The following EZR variants were observed in gnomAD, a reference collection of about 807,000 sequenced individuals.
EZR encodes the protein ezrin.
A neutral mutation model predicts 74.8 loss-of-function variants in EZR; 40 were observed. The observed-to-expected ratio is 0.53, with a 90% CI of 0.42 to 0.70. The LOEUF (loss-of-function observed/expected upper bound fraction) is 0.70. EZR is among the 30% of genes least tolerant of loss of function. The pLI is 0.00. For missense variants in EZR, 678 were observed against 755.8 expected, an observed-to-expected ratio of 0.90 and a Z score of 1.21; for synonymous variants, 341 against 283.3, an observed-to-expected ratio of 1.20 and a Z score of -2.05.
At chr6:158,816,920 T>C (rs1777569638) in intron 2 of EZR, among the ~76,000 whole-genome samples, 1 of 152,108 alleles carries the variant, frequency 6.6e-6, no homozygotes, top group East Asian at 1.9e-4. Context: ...ACCCCCTCTC[T>C]ATAAAAATAC....
At chr6:158,771,511 T>C (rs543073813) in intron 8 of EZR, 104 bp from the exon 9 acceptor site, 4 of 1,253,164 alleles carry the variant, frequency 3.2e-6, no homozygotes, top group South Asian at 1.6e-5. Flanking sequence ...AGAACAAATG[T>C]AGCAGAACAG....
At chr6:158,768,530 G>T (rs1256924796) in intron 12 of EZR, among the ~76,000 whole-genome samples, 11 of 152,078 alleles carry the variant, frequency 7.2e-5, no homozygotes, top group Admixed American at 7.2e-4. Context: ...AGCCACAGTG[G>T]GGGAAGGACG....
intron 12 of EZR, among the ~76,000 whole-genome samples, chr6:158,768,416 G>A (rs1019412428): frequency 2.1e-4 from 32 of 152,106 alleles, no homozygotes; most frequent in African/African-American, 7.0e-4. Flanking sequence ...AATACAGATC[G>A]GCAGCGGGAA....
intron 8 of EZR, among the ~76,000 whole-genome samples, chr6:158,775,275 G>A (rs373820180): frequency 1.3e-5 from 2 of 152,050 alleles, no homozygotes; most frequent in South Asian, 2.1e-4. Context: ...CTCGTGATTC[G>A]GCCATCTCAG....
chr6:158,791,521 C>T (rs1791744478), intron 2 of EZR, among the ~76,000 whole-genome samples: 2 of 151,978 alleles, frequency 1.3e-5, no homozygotes, highest in African/African-American at 2.4e-5. Context: ...AATGACATAA[C>T]ACACTAAAAC....
At chr6:158,802,512 A>T (rs997617439) in intron 2 of EZR, among the ~76,000 whole-genome samples, 1 of 152,088 alleles carries the variant, frequency 6.6e-6, no homozygotes, top group African/African-American at 2.4e-5. Context: ...GACTATGGCT[A>T]GTTAGGTTTT....
intron 2 of EZR, among the ~76,000 whole-genome samples, chr6:158,816,870 G>A (rs994054715): frequency 7.2e-5 from 11 of 152,150 alleles, no homozygotes; most frequent in Non-Finnish European, 1.5e-4. Flanking sequence ...CAGATCACCT[G>A]AGGTCAGGAG....
chr6:158,807,300 C>CA, intron 2 of EZR, among the ~76,000 whole-genome samples: 2 of 131,996 alleles, frequency 1.5e-5, no homozygotes, highest in East Asian at 4.7e-4. Context: ...GGGCGACAGA[C>CA]AGAGACTCCG....
In EZR at chr6:158,787,189, G is replaced by T; in HGVS notation, c.111C>A (p.Ile37=). ...KQLFDQVVKT[I]GLREVWYFGL... is the part of the protein sequence containing the mutation. ...CAAAGTACCACACTTCCCGGAGGCC[G>T]ATAGTCTTTACCACCTGCGTGAGAG... Residue 37 remains isoleucine, a synonymous_variant, in exon 4 of 14, where the codon ATC becomes ATA. Transcript: ENST00000367075. 1.9e-6 allele frequency: 3 copies of T among 1,612,834 alleles called. No homozygotes were observed. The highest frequency in any genetic ancestry group is 1.3e-5 in the African/African-American group (1 of 74,998).
intron 12 of EZR, 108 bp downstream of exon 12, chr6:158,769,218 T>C: frequency 1.2e-6 from 1 of 832,808 alleles, no homozygotes; most frequent in Non-Finnish European, 1.9e-6. Context: ...ATGTGGCAGC[T>C]TGAGCCAGAC....
At chr6:158,778,198 A>G (rs1177601993) in intron 7 of EZR, among the ~76,000 whole-genome samples, 1 of 152,232 alleles carries the variant, frequency 6.6e-6, no homozygotes, top group Non-Finnish European at 1.5e-5. Context: ...CGCCCACAGC[A>G]CATAGCACTG....
intron 2 of EZR, among the ~76,000 whole-genome samples, chr6:158,791,974 C>T (rs908342141): frequency 1.3e-5 from 2 of 151,996 alleles, no homozygotes; most frequent in African/African-American, 4.8e-5. Flanking sequence ...TCCCAAAGTG[C>T]TGGGATTACA....
chr6:158,796,503 AATCTGTGAGCATCTTCCAGCTCG>A, intron 2 of EZR, among the ~76,000 whole-genome samples: 1 of 152,162 alleles, frequency 6.6e-6, no homozygotes, highest in African/African-American at 2.4e-5. Context: ...GAGACCATTT[AATCTGTGAGCATCTTCCAGCTCG>A]ATCATTCTAT....
intron 7 of EZR, among the ~76,000 whole-genome samples, chr6:158,778,923 A>G (rs191249687): frequency 6.6e-6 from 1 of 152,336 alleles, no homozygotes; most frequent in East Asian, 1.9e-4. Context: ...AATACACGTA[A>G]AAAGTTTTTA....
chr6:158,810,442 G>A (rs1777429677), intron 2 of EZR, among the ~76,000 whole-genome samples: 1 of 152,170 alleles, frequency 6.6e-6, no homozygotes, highest in South Asian at 2.1e-4. Context: ...ACACTGCATT[G>A]TAATTGCTTA....
intron 2 of EZR, among the ~76,000 whole-genome samples, chr6:158,799,685 A>C (rs1276227478): frequency 1.3e-5 from 2 of 152,280 alleles, no homozygotes; most frequent in Non-Finnish European, 2.9e-5. Context: ...CAAGCTCTGT[A>C]AAACATTACC....
At position 158,818,709 on chromosome 6, in the gene EZR, C is replaced by T. The variant is rs917456985; in HGVS notation, c.-73-543G>A. On this transcript the variant is annotated intron_variant, in intron 1 of 13. Coordinates refer to ENST00000367075, the MANE Select transcript of EZR (RefSeq NM_001111077.2). The stretch of plus-strand genomic sequence containing the variant: ...CAGGGATACCCGGCGGGGAAAGGCC[C>T]GGGGAGAGGGAGCGCGCGCCTGGGA... Among the ~76,000 whole-genome samples the T allele has an allele frequency of 3.4e-5, 5 of 146,678 alleles. No homozygotes were observed. In the East Asian group the frequency reaches 8.2e-4, roughly 24 times the overall value.
chr6:158,779,456 T>G (rs1791369300), intron 7 of EZR, among the ~76,000 whole-genome samples: 1 of 152,198 alleles, frequency 6.6e-6, no homozygotes, highest in Non-Finnish European at 1.5e-5. Context: ...TTTCTTATCT[T>G]GGTATTTGGA....
chr6:158,791,767 G>A (rs1481786094), intron 2 of EZR, among the ~76,000 whole-genome samples: 1 of 141,050 alleles, frequency 7.1e-6, no homozygotes, highest in African/African-American at 2.7e-5. Flanking sequence ...GGAGTGCAGT[G>A]GTGTGATCTT....
Sources: allele counts gnomAD v4.1 joint callset (sites outside exome capture counted in the v4.1 genomes callset), GRCh38; gene constraint gnomAD v4.1.1; transcripts MANE v1.5; gene names NCBI Gene and HGNC (gene_info 2026-07-23, HGNC 2026-07-21).